EYS: variants seen among roughly 807,000 people sequenced by gnomAD.
The protein encoded by EYS is EGF-like photoreceptor maintenance factor.
A neutral mutation model predicts 282.1 loss-of-function variants in EYS; 250 were observed. The observed-to-expected ratio is 0.89, with a 90% CI of 0.80 to 0.98. The LOEUF (loss-of-function observed/expected upper bound fraction) is 0.98, where lower values mean the gene tolerates loss of function less well. Among genes scored for constraint, EYS ranks in the 50% least tolerant of loss-of-function variants. The pLI, the probability that EYS is intolerant of heterozygous loss-of-function variation, is 0.00. For synonymous variants in EYS, 1,355 were observed against 1,282.9 expected, an observed-to-expected ratio of 1.06 and a Z score of -1.20; for missense variants, 4,016 against 3,709.0, an observed-to-expected ratio of 1.08 and a Z score of -2.15.
At chr6:64,948,627 CTAGTATTAAA>C (rs529113879) in intron 14 of EYS, among the ~76,000 whole-genome samples, 180 of 145,522 alleles carry the variant, frequency 1.2e-3, no homozygotes, top group Non-Finnish European at 2.1e-3. Context: ...ATAGTAAATA[CTAGTATTAAA>C]TAGTATTAAA....
At chr6:65,237,865 A>G (rs1027553250) in intron 12 of EYS, among the ~76,000 whole-genome samples, 1 of 152,166 alleles carries the variant, frequency 6.6e-6, no homozygotes. Context: ...TGTATTTGGT[A>G]AAAGAATGAA....
intron 34 of EYS, among the ~76,000 whole-genome samples, chr6:63,986,331 A>C (rs913091545): frequency 1.3e-5 from 2 of 151,842 alleles, no homozygotes; most frequent in African/African-American, 4.8e-5. Context: ...GTGGGAATGT[A>C]AATTAGTTTA....
At chr6:63,938,282 G>A (rs145798284) in intron 35 of EYS, among the ~76,000 whole-genome samples, 1 of 152,254 alleles carries the variant, frequency 6.6e-6, no homozygotes, top group African/African-American at 2.4e-5. Context: ...GCTTGGAGTC[G>A]AGTCTGCTGC....
intron 12 of EYS, among the ~76,000 whole-genome samples, chr6:65,247,194 C>A (rs868036283): frequency 6.6e-6 from 1 of 152,030 alleles, no homozygotes; most frequent in Non-Finnish European, 1.5e-5. Flanking sequence ...CTCTCTCTTG[C>A]TCACTCGGGT....
chr6:64,457,495 C>G (rs1033715590), intron 26 of EYS, among the ~76,000 whole-genome samples: 7 of 151,954 alleles, frequency 4.6e-5, no homozygotes, highest in Admixed American at 1.3e-4. Flanking sequence ...ATTGCAGTCT[C>G]TCTCTCCCTT....
chr6:64,938,892 A>C (rs1402670132), intron 15 of EYS, among the ~76,000 whole-genome samples: 1 of 151,720 alleles, frequency 6.6e-6, no homozygotes, highest in African/African-American at 2.4e-5. Flanking sequence ...TTTGATTTTC[A>C]GACATCCACT....
intron 22 of EYS, among the ~76,000 whole-genome samples, chr6:64,660,039 T>C (rs1378862640): frequency 3.3e-5 from 5 of 152,194 alleles, no homozygotes; most frequent in Admixed American, 6.5e-5. Flanking sequence ...TTATCCACTA[T>C]GATCAAGCAG....
At chr6:64,292,619 A>C (rs1768753998) in intron 30 of EYS, among the ~76,000 whole-genome samples, 1 of 152,014 alleles carries the variant, frequency 6.6e-6, no homozygotes, top group African/African-American at 2.4e-5. Flanking sequence ...TTATATTTAC[A>C]TCTTTGTTTT....
intron 12 of EYS, among the ~76,000 whole-genome samples, chr6:65,219,023 G>T (rs1311396299): frequency 1.3e-5 from 2 of 151,724 alleles, no homozygotes; most frequent in African/African-American, 2.4e-5. Context: ...AGACAGAGAA[G>T]TTATTTCTTT....
chr6:65,645,793 G>A (rs1331614552), intron 1 of EYS, among the ~76,000 whole-genome samples: 3 of 152,066 alleles, frequency 2.0e-5, no homozygotes, highest in Non-Finnish European at 4.4e-5. Context: ...GATTAACCAA[G>A]AAAAGAAGAG....
At chr6:65,655,290 T>C (rs187604300) in intron 1 of EYS, among the ~76,000 whole-genome samples, 2 of 151,646 alleles carry the variant, frequency 1.3e-5, no homozygotes, top group African/African-American at 4.8e-5. Flanking sequence ...GAGATGCATA[T>C]AGTGACTTCC....
chr6:64,886,995 A>G (rs1174875406), intron 18 of EYS, among the ~76,000 whole-genome samples, 153 bp from the exon 19 acceptor site: 1 of 151,878 alleles, frequency 6.6e-6, no homozygotes, highest in Non-Finnish European at 1.5e-5. Flanking sequence ...AAATATAGCA[A>G]TTCTCCTTGC....
At chr6:64,191,476 T>TCCCCC (rs542212151) in intron 31 of EYS, among the ~76,000 whole-genome samples, 13 of 139,218 alleles carry the variant, frequency 9.3e-5, no homozygotes, top group East Asian at 2.3e-4. Context: ...GTGCTATCCC[T>TCCCCC]TCCCCCCCCA....
chr6:63,943,154 G>A (rs1765293351), intron 35 of EYS, among the ~76,000 whole-genome samples: 1 of 152,170 alleles, frequency 6.6e-6, no homozygotes, highest in East Asian at 1.9e-4. Flanking sequence ...TAACTCCTGT[G>A]TTGTTCAGGT....
At chr6:65,597,511 C>T (rs978072088) in intron 2 of EYS, among the ~76,000 whole-genome samples, 19 of 152,154 alleles carry the variant, frequency 1.2e-4, no homozygotes, top group African/African-American at 4.1e-4. Flanking sequence ...ATAGACACCC[C>T]CAAACTGTAA....
chr6:64,120,636 A>G (rs1773555948), intron 31 of EYS, among the ~76,000 whole-genome samples: 2 of 152,116 alleles, frequency 1.3e-5, no homozygotes, highest in Non-Finnish European at 2.9e-5. Flanking sequence ...CACATCTAGA[A>G]ATCGACTGGG....
chr6:63,844,744 A>C (rs549694964), intron 36 of EYS, among the ~76,000 whole-genome samples: 36 of 151,918 alleles, frequency 2.4e-4, no homozygotes, highest in Non-Finnish European at 4.7e-4. Flanking sequence ...AGTTCCTTAT[A>C]GATTCTGGAT....
At chr6:65,218,698 C>G (rs541047964) in intron 12 of EYS, among the ~76,000 whole-genome samples, 1 of 152,004 alleles carries the variant, frequency 6.6e-6, no homozygotes, top group African/African-American at 2.4e-5. Flanking sequence ...AAAGACAAAT[C>G]GTTACAGTTC....
chr6:63,951,352 T>G (rs1272534103), intron 35 of EYS, among the ~76,000 whole-genome samples: 1 of 152,170 alleles, frequency 6.6e-6, no homozygotes, highest in African/African-American at 2.4e-5. Context: ...ATTCTTGTTG[T>G]AAAATGGACA....
Sources: gnomAD v4.1 joint callset for allele counts (sites outside exome capture counted in the v4.1 genomes callset) on GRCh38, gnomAD v4.1.1 for gene constraint, MANE v1.5 for transcripts, NCBI Gene and HGNC (gene_info 2026-07-23, HGNC 2026-07-21) for gene names.